PTPRK: variants seen among roughly 807,000 people sequenced by gnomAD.
The protein encoded by PTPRK is protein tyrosine phosphatase receptor type K.
A neutral mutation model predicts 178.0 loss-of-function variants in PTPRK; 75 were observed. The observed-to-expected ratio is 0.42, with a 90% CI of 0.35 to 0.51. PTPRK has a LOEUF of 0.51. Ranked by LOEUF, PTPRK falls within the 20% of genes least tolerant of loss-of-function variation. PTPRK has a pLI of 0.02. For synonymous variants in PTPRK, 637 were observed against 620.6 expected (o/e 1.03, Z -0.39); for missense variants, 1,441 against 1,797.8 (o/e 0.80, Z 3.59).
At chr6:128,314,642 A>G (rs1281605528) in intron 3 of PTPRK, among the ~76,000 whole-genome samples, 1 of 152,162 alleles carries the variant, frequency 6.6e-6, no homozygotes, top group Admixed American at 6.5e-5. Flanking sequence ...AATAAATCAC[A>G]GTAGACTAGC....
chr6:128,233,344 G>A (rs921969899), intron 5 of PTPRK, among the ~76,000 whole-genome samples: 20 of 152,194 alleles, frequency 1.3e-4, no homozygotes, highest in Admixed American at 9.8e-4. Context: ...CCACTACCAT[G>A]TGGTGATGTT....
At chr6:128,319,014 C>T (rs1051034134) in intron 3 of PTPRK, among the ~76,000 whole-genome samples, 5 of 152,104 alleles carry the variant, frequency 3.3e-5, no homozygotes, top group African/African-American at 1.2e-4. Flanking sequence ...TTGTTCTGAA[C>T]ACATAGGTGA....
At chr6:128,489,490 A>G (rs2128428298) in intron 1 of PTPRK, among the ~76,000 whole-genome samples, 1 of 152,296 alleles carries the variant, frequency 6.6e-6, no homozygotes, top group African/African-American at 2.4e-5. Flanking sequence ...CTGAATCATG[A>G]TAACTAAAGT....
intron 2 of PTPRK, among the ~76,000 whole-genome samples, chr6:128,384,236 C>A (rs1289413483): frequency 6.6e-6 from 1 of 152,160 alleles, no homozygotes; most frequent in African/African-American, 2.4e-5. Context: ...GTTCCACACG[C>A]ACGATAGTCC....
chr6:128,133,447 T>G lies in PTPRK; in HGVS notation c.1163-43455A>C, dbSNP rs545836356. Among the ~76,000 whole-genome samples the G allele has an allele frequency of 1.2e-3, 190 of 152,316 alleles. 1 individual carries two copies. Among genetic ancestry groups the G allele is most frequent in the Non-Finnish European group, 2.0e-3 (136 of 68,006 alleles). ...AAGTAGTGTGCAGATATTTTAGATT[T>G]CATTTTTTACCTTGAAATATCCATA... On this transcript the variant is annotated intron_variant, in intron 7 of 29. Coordinates refer to ENST00000368226, the MANE Select transcript of PTPRK (RefSeq NM_002844.4).
At chr6:128,190,912 C>A (rs1162661205) in intron 6 of PTPRK, among the ~76,000 whole-genome samples, 1 of 152,174 alleles carries the variant, frequency 6.6e-6, no homozygotes, top group African/African-American at 2.4e-5. Context: ...GGCCCCTATG[C>A]CAGTACCTAT....
At chr6:128,125,835 CCT>C (rs1385221244) in intron 7 of PTPRK, among the ~76,000 whole-genome samples, 1 of 151,770 alleles carries the variant, frequency 6.6e-6, no homozygotes, top group Non-Finnish European at 1.5e-5. Flanking sequence ...GTCTCGAACC[CCT>C]GACCTCATGA....
chr6:128,161,237 T>C (rs1394349246), intron 7 of PTPRK, among the ~76,000 whole-genome samples: 2 of 151,772 alleles, frequency 1.3e-5, no homozygotes, highest in Non-Finnish European at 3.0e-5. Flanking sequence ...AACAGTTCTG[T>C]GGCTTTCTTG....
intron 5 of PTPRK, among the ~76,000 whole-genome samples, chr6:128,230,049 C>A (rs1031969287): frequency 3.9e-5 from 6 of 152,124 alleles, no homozygotes; most frequent in Admixed American, 6.5e-5. Context: ...CAGAGACTGA[C>A]AAGATCACAA....
At chr6:128,275,242 A>C (rs1213602651) in intron 3 of PTPRK, among the ~76,000 whole-genome samples, 1 of 152,050 alleles carries the variant, frequency 6.6e-6, no homozygotes, top group Non-Finnish European at 1.5e-5. Flanking sequence ...TTTGAACTCA[A>C]AGGATTCTGA....
chr6:128,447,741 C>T (rs988386242), intron 1 of PTPRK, among the ~76,000 whole-genome samples: 4 of 151,700 alleles, frequency 2.6e-5, no homozygotes, highest in African/African-American at 7.3e-5. Context: ...TCTCCTGCCT[C>T]GCCTCCTGAG....
chr6:128,339,268 T>C (rs986187737), intron 2 of PTPRK, among the ~76,000 whole-genome samples: 2 of 152,182 alleles, frequency 1.3e-5, no homozygotes, highest in Non-Finnish European at 2.9e-5. Flanking sequence ...ATTTCAATAG[T>C]GATTAACAAT....
At chr6:128,493,071 C>T (rs185753316) in intron 1 of PTPRK, among the ~76,000 whole-genome samples, 9 of 152,248 alleles carry the variant, frequency 5.9e-5, no homozygotes, top group Admixed American at 4.6e-4. Flanking sequence ...ATATCTGGCA[C>T]ATGGTAGGCA....
At chr6:127,973,849 T>C (rs754385290) in intron 27 of PTPRK, 22 bp from the exon 28 acceptor site, 14 of 1,601,358 alleles carry the variant, frequency 8.7e-6, no homozygotes, top group Non-Finnish European at 9.4e-6. Context: ...AGTGTTTTTA[T>C]GTAAATACGC....
At chr6:128,122,357 A>G (rs1792618377) in intron 7 of PTPRK, among the ~76,000 whole-genome samples, 1 of 152,146 alleles carries the variant, frequency 6.6e-6, no homozygotes, top group Admixed American at 6.5e-5. Context: ...ATAAGAGTAT[A>G]TTAGAAGATA....
intron 1 of PTPRK, chr6:128,409,335 G>T (rs564192523): frequency 2.2e-6 from 1 of 454,536 alleles, no homozygotes; most frequent in Non-Finnish European, 4.4e-6. Context: ...GGCCTTTTCT[G>T]AAGATAAAAT....
intron 7 of PTPRK, among the ~76,000 whole-genome samples, chr6:128,157,428 C>T (rs1798092601): frequency 6.6e-6 from 1 of 151,868 alleles, no homozygotes; most frequent in Non-Finnish European, 1.5e-5. Context: ...ACTAAATAAA[C>T]CACAAACCTA....
intron 1 of PTPRK, among the ~76,000 whole-genome samples, chr6:128,433,832 T>TG (rs1845164001): frequency 1.3e-5 from 2 of 149,276 alleles, no homozygotes; most frequent in Admixed American, 6.6e-5. Context: ...CACTGTTTTT[T>TG]TTTTTTTTTT....
intron 1 of PTPRK, among the ~76,000 whole-genome samples, chr6:128,472,363 G>C (rs1850795593): frequency 6.7e-6 from 1 of 149,146 alleles, no homozygotes; most frequent in African/African-American, 2.5e-5. Context: ...TTGCTTGTTT[G>C]TTTTGTTTTT....
Sources: gnomAD v4.1 joint callset for allele counts (sites outside exome capture counted in the v4.1 genomes callset) on GRCh38, gnomAD v4.1.1 for gene constraint, MANE v1.5 for transcripts, NCBI Gene and HGNC (gene_info 2026-07-23, HGNC 2026-07-21) for gene names.